The following SMOC1 variants were observed in gnomAD, a reference collection of about 807,000 sequenced individuals.
SMOC1 encodes the protein SPARC-related modular calcium-binding protein 1.
A neutral mutation model predicts 56.3 loss-of-function variants in SMOC1; 22 were observed. The ratio of observed to expected loss-of-function variants is 0.39; its 90% CI spans 0.28 to 0.56. SMOC1 has a LOEUF of 0.56. Ranked by LOEUF, SMOC1 falls within the 20% of genes least tolerant of loss-of-function variation. SMOC1 has a pLI of 0.61. For missense variants in SMOC1, 509 were observed against 565.4 expected (o/e 0.90, Z 1.01); for synonymous variants, 193 against 215.0 (o/e 0.90, Z 0.89).
chr14:69,886,477 C>G (rs1325951803), intron 1 of SMOC1, among the ~76,000 whole-genome samples: 1 of 152,198 alleles, frequency 6.6e-6, no homozygotes, highest in Non-Finnish European at 1.5e-5. Context: ...TGGTTACTTA[C>G]AAACTGGCTT....
intron 1 of SMOC1, among the ~76,000 whole-genome samples, chr14:69,903,780 T>G (rs2139331525): frequency 6.6e-6 from 1 of 151,802 alleles, no homozygotes; most frequent in East Asian, 1.9e-4. Flanking sequence ...GGCCCCAGGG[T>G]CCTCTGCCTA....
At chr14:69,881,823 A>G (rs1188175935) in intron 1 of SMOC1, among the ~76,000 whole-genome samples, 2 of 152,192 alleles carry the variant, frequency 1.3e-5, no homozygotes, top group Non-Finnish European at 2.9e-5. Context: ...GGCACTTTAC[A>G]TGATCTCTTA....
chr14:69,970,384 G>A (rs1223337781), intron 3 of SMOC1, among the ~76,000 whole-genome samples: 2 of 152,150 alleles, frequency 1.3e-5, no homozygotes, highest in African/African-American at 4.8e-5. Context: ...TGAAGTGTTT[G>A]GGTTAGATTG....
chr14:69,889,971 A>C (rs1883917406), intron 1 of SMOC1, among the ~76,000 whole-genome samples: 1 of 152,220 alleles, frequency 6.6e-6, no homozygotes, highest in Non-Finnish European at 1.5e-5. Flanking sequence ...ATTCAAACTA[A>C]TCTCCTTATT....
intron 10 of SMOC1, among the ~76,000 whole-genome samples, chr14:70,015,941 A>T (rs1885494480): frequency 6.6e-6 from 1 of 152,198 alleles, no homozygotes; most frequent in African/African-American, 2.4e-5. Flanking sequence ...GGAAAAAGGA[A>T]AAAAAAGGAG....
At chr14:70,014,182 A>G (rs1035368792) in intron 10 of SMOC1, among the ~76,000 whole-genome samples, 2 of 152,218 alleles carry the variant, frequency 1.3e-5, no homozygotes, top group East Asian at 1.9e-4. Flanking sequence ...AGGATGAGGT[A>G]TCTGGGGATA....
At chr14:69,992,946 C>T (rs189190182) in intron 6 of SMOC1, among the ~76,000 whole-genome samples, 167 of 152,336 alleles carry the variant, frequency 1.1e-3, no homozygotes, top group Admixed American at 2.2e-3. Context: ...CTTTAAATTA[C>T]GGGGTCTCCG....
At chr14:69,918,520 G>A (rs534206654) in intron 1 of SMOC1, among the ~76,000 whole-genome samples, 87 of 152,220 alleles carry the variant, frequency 5.7e-4, no homozygotes, top group African/African-American at 1.9e-3. Context: ...GAGCCACCAC[G>A]CTCGGCTGAT....
At chr14:70,022,531 C>T (rs1200385168) in intron 10 of SMOC1, among the ~76,000 whole-genome samples, 1 of 152,246 alleles carries the variant, frequency 6.6e-6, no homozygotes, top group African/African-American at 2.4e-5. Context: ...CCCAGTAGGT[C>T]CCGGCTTTTC....
At chr14:69,909,299 A>G (rs949212260) in intron 1 of SMOC1, among the ~76,000 whole-genome samples, 4 of 152,168 alleles carry the variant, frequency 2.6e-5, no homozygotes, top group Non-Finnish European at 5.9e-5. Context: ...ATTTTACTTC[A>G]GCGTGTGAAA....
intron 1 of SMOC1, among the ~76,000 whole-genome samples, chr14:69,899,325 C>T (rs1313050811): frequency 1.3e-5 from 2 of 152,104 alleles, no homozygotes; most frequent in Admixed American, 1.3e-4. Flanking sequence ...GTGATTGGAT[C>T]ATAGGGTTGG....
rs531022399 is a variant in SMOC1 at position 70,027,306 on chromosome 14, C to T, written c.1292-2936C>T. Among the ~76,000 whole-genome samples, 5 of 152,252 alleles carry T rather than the reference C, an allele frequency of 3.3e-5. No homozygotes were observed. In the South Asian group the frequency reaches 1.0e-3, roughly 32 times the overall value. ...CTGCTGTCCCCTCCAGGAGAAGGAC[C>T]CCAGTGTGTTTGAAGATGTCGCCTT... On this transcript the variant is annotated intron_variant, in intron 11 of 11. Coordinates refer to ENST00000361956, the MANE Select transcript of SMOC1 (RefSeq NM_001034852.3).
intron 1 of SMOC1, among the ~76,000 whole-genome samples, chr14:69,890,721 G>T (rs1883938137): frequency 6.6e-6 from 1 of 152,172 alleles, no homozygotes; most frequent in South Asian, 2.1e-4. Context: ...AGCTCAGACT[G>T]CTTTAAAGGA....
chr14:70,013,728 T>G (rs998877045), intron 10 of SMOC1, among the ~76,000 whole-genome samples: 4 of 152,168 alleles, frequency 2.6e-5, no homozygotes, highest in Admixed American at 6.5e-5. Flanking sequence ...GTTACCTGAT[T>G]TATAGGAAAG....
chr14:69,961,675 C>G (rs1883385954), intron 3 of SMOC1, among the ~76,000 whole-genome samples: 1 of 152,134 alleles, frequency 6.6e-6, no homozygotes, highest in African/African-American at 2.4e-5. Context: ...CACGCCTGGC[C>G]TGTTTCCATT....
In SMOC1 at chr14:70,011,642, T is replaced by C. The variant is rs189469553; in HGVS notation, c.940+75T>C. On this transcript the variant is annotated intron_variant, in intron 9 of 11. Transcript: ENST00000361956. ...CACCCTCTCATTATGCAGAAGAAGCTGTCTCCTCTTTGTCTGTTTCCCCAT... is the reference window on the plus strand; with the variant it reads ...CACCCTCTCATTATGCAGAAGAAGCCGTCTCCTCTTTGTCTGTTTCCCCAT... 5.8e-6 allele frequency: 8 copies of C among 1,369,390 alleles called. No homozygotes were observed. In the Admixed American group the frequency reaches 1.4e-4, roughly 24 times the overall value. The allele number at this position is 1,369,390 out of a possible 1,614,324, so 84.8% of individuals were successfully genotyped here.
intron 5 of SMOC1, among the ~76,000 whole-genome samples, chr14:69,989,890 T>C (rs1884500823): frequency 6.6e-6 from 1 of 152,184 alleles, no homozygotes; most frequent in African/African-American, 2.4e-5. Context: ...CCGGAGATGA[T>C]GGTTAGAGGG....
chr14:69,956,448 CTTTTT>C lies in SMOC1; in HGVS notation c.378+2930_378+2934del, dbSNP rs3052655. Among the ~76,000 whole-genome samples the C allele has an allele frequency of 3.8e-5, 5 of 130,806 alleles. No homozygotes were observed. The East Asian group carries it at 8.8e-4, about 23-fold the overall frequency. 85.8% of individuals were successfully genotyped at this position (130,806 alleles called of 152,430 possible). ...CTCCAACCTCCATCACTTAGCTGGGCTTTTTTTTTTTTTTTTTTCTCCTAAGACCA... is the reference window on the plus strand; with the variant it reads ...CTCCAACCTCCATCACTTAGCTGGGCTTTTTTTTTTTTTCTCCTAAGACCA... On this transcript the variant is annotated intron_variant, in intron 3 of 11. Coordinates refer to ENST00000361956, the MANE Select transcript of SMOC1 (RefSeq NM_001034852.3).
At chr14:69,879,801 C>G in intron 1 of SMOC1, 24 bp downstream of exon 1, 1 of 1,567,114 alleles carries the variant, frequency 6.4e-7, no homozygotes, top group Non-Finnish European at 8.6e-7. Flanking sequence ...CAGCTTTGCG[C>G]CCACCTGCGG....
Sources: allele counts gnomAD v4.1 joint callset (sites outside exome capture counted in the v4.1 genomes callset), GRCh38; gene constraint gnomAD v4.1.1; transcripts MANE v1.5; gene names NCBI Gene and HGNC (gene_info 2026-07-23, HGNC 2026-07-21).